SMIM36: variants seen among roughly 807,000 people sequenced by gnomAD.
The protein encoded by SMIM36 is small integral membrane protein 36.
At chr17:55,493,444 A>C (rs1045277800) in intron 1 of SMIM36, among the ~76,000 whole-genome samples, 3 of 152,182 alleles carry the variant, frequency 2.0e-5, no homozygotes, top group Non-Finnish European at 2.9e-5. Flanking sequence ...ACTGAAGCAG[A>C]GGTGTTGGTA....
intron 1 of SMIM36, among the ~76,000 whole-genome samples, chr17:55,485,898 T>C (rs1909597352): frequency 6.6e-6 from 1 of 152,206 alleles, no homozygotes; most frequent in Non-Finnish European, 1.5e-5. Flanking sequence ...CTAGCATCCA[T>C]ATATATTCTT....
intron 1 of SMIM36, among the ~76,000 whole-genome samples, chr17:55,488,513 G>A (rs1238645393): frequency 1.3e-5 from 2 of 152,138 alleles, no homozygotes; most frequent in Non-Finnish European, 2.9e-5. Context: ...TATACTTTTT[G>A]TAGCCACGGG....
At chr17:55,483,384 T>G (rs1909551394) in intron 1 of SMIM36, among the ~76,000 whole-genome samples, 1 of 152,194 alleles carries the variant, frequency 6.6e-6, no homozygotes, top group Admixed American at 6.5e-5. Context: ...TAGGCCACAG[T>G]ACCCAGATAT....
intron 1 of SMIM36, among the ~76,000 whole-genome samples, chr17:55,491,372 CTCTT>C (rs1909703758): frequency 6.6e-6 from 1 of 151,618 alleles, no homozygotes; most frequent in Non-Finnish European, 1.5e-5. Flanking sequence ...TCATTATCTT[CTCTT>C]TCTTTTCCTT....
chr17:55,497,948 C>T (rs763514445), intron 1 of SMIM36, among the ~76,000 whole-genome samples: 2 of 152,154 alleles, frequency 1.3e-5, no homozygotes, highest in Non-Finnish European at 2.9e-5. Context: ...GCTGTCCTAA[C>T]AAAGTACTGC....
intron 1 of SMIM36, among the ~76,000 whole-genome samples, chr17:55,486,555 G>C (rs1307896944): frequency 6.6e-6 from 1 of 152,162 alleles, no homozygotes; most frequent in Non-Finnish European, 1.5e-5. Context: ...CTAGATTCTA[G>C]GTAGTGTGGG....
chr17:55,451,464 C>T (rs1908915485), intron 4 of SMIM36, among the ~76,000 whole-genome samples: 1 of 152,192 alleles, frequency 6.6e-6, no homozygotes, highest in South Asian at 2.1e-4. Flanking sequence ...TCTTCAAGTT[C>T]CAGCTCACAT....
rs143083881 is a variant in SMIM36 at position 55,465,007 on chromosome 17, G to A, written c.*531+2138C>T. The stretch of plus-strand genomic sequence containing the variant: ...AATTGAAGCATTTTAATTGATATCA[G>A]TCGACTGTGTGATGGAGCTGCCGGG... On this transcript the variant is annotated intron_variant, in intron 4 of 4. Coordinates refer to ENST00000636752, the Ensembl canonical transcript of SMIM36. 3.3e-4 allele frequency among the ~76,000 whole-genome samples: 51 copies of A among 152,300 alleles called. 2 individuals carry two copies. In the East Asian group the frequency reaches 9.4e-3, roughly 28 times the overall value.
At chr17:55,528,284 T>G in the SMIM36 span, among the ~76,000 whole-genome samples, 1 of 152,254 alleles carries the variant, frequency 6.6e-6, no homozygotes, top group South Asian at 2.1e-4. Flanking sequence ...TGCTCACGAT[T>G]ATTTACTAAC....
intron 1 of SMIM36, among the ~76,000 whole-genome samples, chr17:55,501,346 T>TAA: frequency 1.2e-5 from 1 of 85,886 alleles, no homozygotes; most frequent in Non-Finnish European, 2.0e-5. Context: ...ATATTATATA[T>TAA]TATATTTTAT....
At chr17:55,460,650 G>T (rs1397219848) in intron 4 of SMIM36, among the ~76,000 whole-genome samples, 1 of 152,192 alleles carries the variant, frequency 6.6e-6, no homozygotes, top group Non-Finnish European at 1.5e-5. Flanking sequence ...GAGGTCAGGA[G>T]ATCGAGACCA....
chr17:55,467,515 G>C (rs558449687), intron 3 of SMIM36, among the ~76,000 whole-genome samples, 187 bp from the exon 4 acceptor site: 1 of 151,974 alleles, frequency 6.6e-6, no homozygotes, highest in East Asian at 1.9e-4. Flanking sequence ...TCCTGCCTCA[G>C]CCTCCCAAGT....
At chr17:55,499,380 G>T in intron 1 of SMIM36, among the ~76,000 whole-genome samples, 1 of 152,216 alleles carries the variant, frequency 6.6e-6, no homozygotes, top group African/African-American at 2.4e-5. Context: ...ATCTAGAATT[G>T]AGTTCAAATC....
intron 4 of SMIM36, among the ~76,000 whole-genome samples, chr17:55,464,613 G>A (rs553197757): frequency 3.3e-4 from 51 of 152,322 alleles, no homozygotes; most frequent in African/African-American, 1.1e-3. Flanking sequence ...AAAAGGCACA[G>A]GATAAGAAAC....
At chr17:55,492,013 G>T (rs1909714832) in intron 1 of SMIM36, among the ~76,000 whole-genome samples, 1 of 151,744 alleles carries the variant, frequency 6.6e-6, no homozygotes, top group Non-Finnish European at 1.5e-5. Flanking sequence ...CAAAAAATTA[G>T]CTGGGCGTGG....
intron 1 of SMIM36, among the ~76,000 whole-genome samples, chr17:55,487,024 C>T (rs951821172): frequency 6.6e-6 from 1 of 152,104 alleles, no homozygotes; most frequent in African/African-American, 2.4e-5. Context: ...CCTCTGGCTG[C>T]GAGTTGCTTA....
In SMIM36 at chr17:55,462,137, T is replaced by A. The variant is rs139424106; in HGVS notation, c.*531+5008A>T. Among the ~76,000 whole-genome samples, 1,306 of 152,322 alleles carry A rather than the reference T, an allele frequency of 8.6e-3. 17 individuals are homozygous for A. Among genetic ancestry groups the A allele is most frequent in the African/African-American group, 0.03 (1,235 of 41,580 alleles). ...CCTTGGATTAAATCTTGGTTTTAGATGGATAGACTTGGGTTTGAATATTGA... is the reference window on the plus strand; with the variant it reads ...CCTTGGATTAAATCTTGGTTTTAGAAGGATAGACTTGGGTTTGAATATTGA... On this transcript the variant is annotated intron_variant, in intron 4 of 4. Coordinates refer to ENST00000636752, the Ensembl canonical transcript of SMIM36.
In SMIM36 at chr17:55,500,938, T is replaced by C. The variant is rs796950449; in HGVS notation, c.*174+9941A>G. ...TATTATAATATATTATATTTTATAA[T>C]ATATATTATAATATATTATATTTTA... On this transcript the variant is annotated intron_variant, in intron 1 of 4. Coordinates refer to ENST00000636752, the Ensembl canonical transcript of SMIM36. Among the ~76,000 whole-genome samples the C allele has an allele frequency of 4.2e-4, 8 of 19,020 alleles. 1 individual carries two copies. Among genetic ancestry groups the C allele is most frequent in the African/African-American group, 6.3e-4 (2 of 3,178 alleles). 12.5% of individuals were successfully genotyped at this position (19,020 alleles called of 152,430 possible).
At chr17:55,453,909 C>A (rs1268749775) in intron 4 of SMIM36, 1 of 152,194 alleles carries the variant, frequency 6.6e-6, no homozygotes, top group Non-Finnish European at 1.5e-5. Flanking sequence ...CTCTCTGATT[C>A]TCTAGGAAAT....
Sources: allele counts gnomAD v4.1 joint callset (sites outside exome capture counted in the v4.1 genomes callset), GRCh38; gene constraint gnomAD v4.1.1; transcripts MANE v1.5; gene names NCBI Gene and HGNC (gene_info 2026-07-23, HGNC 2026-07-21).